The following TBC1D8B variants were observed in gnomAD, a reference collection of about 807,000 sequenced individuals.
TBC1D8B encodes RP11-321G1.1.
TBC1D8B carries 75 observed loss-of-function variants against 82.9 expected under a neutral mutation model. The observed-to-expected ratio is 0.90, with a 90% CI of 0.75 to 1.10. The LOEUF is 1.10. TBC1D8B is among the 50% of genes least tolerant of loss of function. TBC1D8B has a pLI of 0.00. For missense variants in TBC1D8B, 794 were observed against 796.9 expected (o/e 1.00, Z 0.04); for synonymous variants, 276 against 276.8 (o/e 1.00, Z 0.03).
chrX:106,824,150 T>C (rs1297878023), intron 5 of TBC1D8B, among the ~76,000 whole-genome samples: 2 of 111,901 alleles, frequency 1.8e-5, no homozygotes, highest in Non-Finnish European at 3.8e-5. Flanking sequence ...ATATCTTTTA[T>C]CCTGCTGAAC....
At chrX:106,810,507 G>C (rs150649022) in intron 1 of TBC1D8B, among the ~76,000 whole-genome samples, 1,305 of 111,557 alleles carry the variant, frequency 0.012, 10 homozygotes, top group Non-Finnish European at 0.02. Flanking sequence ...GAATTAAAGG[G>C]ACCTAATAAT....
intron 14 of TBC1D8B, among the ~76,000 whole-genome samples, chrX:106,864,140 C>T (rs1352466951): frequency 2.7e-5 from 3 of 111,402 alleles, no homozygotes; most frequent in African/African-American, 9.8e-5. Context: ...GTTGCCTCTG[C>T]AAACCGTCTG....
chrX:106,840,268 C>A, intron 9 of TBC1D8B, 70 bp downstream of exon 9: 4 of 1,019,026 alleles, frequency 3.9e-6, no homozygotes, highest in Non-Finnish European at 5.3e-6. Flanking sequence ...ATGCCCTAAG[C>A]TAAAGCAAAA....
intron 3 of TBC1D8B, 111 bp from the exon 4 acceptor site, chrX:106,821,866 A>G: frequency 3.3e-6 from 2 of 609,873 alleles, no homozygotes; most frequent in Non-Finnish European, 2.5e-6. Flanking sequence ...TGAGGAACCC[A>G]TGGATATGGA....
intron 1 of TBC1D8B, among the ~76,000 whole-genome samples, chrX:106,808,932 C>T (rs1029960003): frequency 4.5e-5 from 5 of 111,452 alleles, no homozygotes; most frequent in Admixed American, 9.5e-5. Context: ...GAGGCTGGGG[C>T]GGGAGGATTG....
intron 14 of TBC1D8B, among the ~76,000 whole-genome samples, chrX:106,860,776 TG>T (rs1199023767): frequency 9.0e-6 from 1 of 111,138 alleles, no homozygotes; most frequent in Non-Finnish European, 1.9e-5. Flanking sequence ...GCTTTGGGAT[TG>T]GTTTGTTCTT....
chrX:106,831,833 G>A lies in TBC1D8B; in HGVS notation c.1203+4496G>A, dbSNP rs932170373. 2.7e-5 allele frequency among the ~76,000 whole-genome samples: 3 copies of A among 110,903 alleles called. No homozygotes were observed. In the Admixed American group the frequency reaches 2.9e-4, roughly 11 times the overall value. Reference sequence around the variant, plus strand: ...TACCAGCTAGTATACTATCTGCTTGGAAATATGTATTTTTAAATTGCCATA... The same window carrying A: ...TACCAGCTAGTATACTATCTGCTTGAAAATATGTATTTTTAAATTGCCATA... On this transcript the variant is annotated intron_variant, in intron 7 of 20. Coordinates refer to ENST00000357242, the MANE Select transcript of TBC1D8B (RefSeq NM_017752.3).
In TBC1D8B at chrX:106,853,625, C is replaced by T; in HGVS notation, c.2228C>T (p.Thr743Ile). Residue 743 changes from threonine (T) to isoleucine (I), a missense_variant, in exon 13 of 21, where the codon ACA becomes ATA. Transcript: ENST00000357242. ...ACCAGTCATACTAGAGTGGATATTA[C>T]AGATTTGATTAGAGAATCAAATGAG... ...EKTSHTRVDITDLIRESNEKY... is the reference protein window; with the variant it reads ...EKTSHTRVDIIDLIRESNEKY... 8.3e-7 allele frequency: 1 copy of T among 1,207,863 alleles called. No individual in the cohort carries two copies. Among genetic ancestry groups the T allele is most frequent in the Non-Finnish European group, 1.1e-6 (1 of 892,822 alleles).
chrX:106,869,818 C>G (rs1416291613), intron 19 of TBC1D8B, among the ~76,000 whole-genome samples: 1 of 112,005 alleles, frequency 8.9e-6, no homozygotes, highest in African/African-American at 3.2e-5. Flanking sequence ...ACATTTTTGT[C>G]TATATCCTTT....
chrX:106,865,606 T>C lies in TBC1D8B; in HGVS notation c.2400T>C (p.Asp800=), dbSNP rs1431277086. 1.7e-6 allele frequency: 2 copies of C among 1,195,939 alleles called. No homozygotes were observed. Among genetic ancestry groups the C allele is most frequent in the East Asian group, 3.0e-5 (1 of 33,472 alleles). ...QDVKLSLQEL[D]ELYVIFKKEL... is the part of the protein sequence containing the mutation. ...TGAAATTGAGCCTTCAAGAATTGGA[T>C]GAACTTTATGTCATCTTTAAGGTAC... The change falls in exon 15 of 21, where the codon GAT becomes GAC. Residue 800 remains aspartate (D), a synonymous_variant. Coordinates refer to ENST00000357242, the MANE Select transcript of TBC1D8B (RefSeq NM_017752.3).
chrX:106,827,444 G>A, intron 7 of TBC1D8B, 107 bp downstream of exon 7: 1 of 875,121 alleles, frequency 1.1e-6, no homozygotes, highest in Non-Finnish European at 1.6e-6. Context: ...ATGCCCAGGG[G>A]TTTTTTTTAA....
At chrX:106,818,182 G>A (rs865841767) in intron 1 of TBC1D8B, among the ~76,000 whole-genome samples, 3 of 111,027 alleles carry the variant, frequency 2.7e-5, no homozygotes, top group Non-Finnish European at 3.8e-5. Flanking sequence ...CTCTAAGTGC[G>A]TTAAATGTAA....
chrX:106,810,392 G>C (rs781711028), intron 1 of TBC1D8B, among the ~76,000 whole-genome samples: 1 of 111,830 alleles, frequency 8.9e-6, no homozygotes, highest in African/African-American at 3.3e-5. Context: ...ATTCATTTAC[G>C]TGGAGTTGAA....
At chrX:106,815,675 A>G (rs1171888383) in intron 1 of TBC1D8B, 1 of 110,723 alleles carries the variant, frequency 9.0e-6, no homozygotes, top group Non-Finnish European at 1.9e-5. Context: ...CTTCCTACCC[A>G]TGAGCATGGA....
At chrX:106,805,560 TGGTCA>T (rs763183153) in intron 1 of TBC1D8B, among the ~76,000 whole-genome samples, 1 of 112,362 alleles carries the variant, frequency 8.9e-6, no homozygotes, top group African/African-American at 3.2e-5. Context: ...ACTTATTTAG[TGGTCA>T]GTTTATAACT....
intron 20 of TBC1D8B, 28 bp from the exon 21 acceptor site, chrX:106,873,542 C>T (rs377141046): frequency 2.3e-5 from 27 of 1,162,012 alleles, no homozygotes; most frequent in Admixed American, 1.8e-4. Context: ...AATATTCAAA[C>T]GTGATATTTT....
At chrX:106,846,095 CTTTT>C (rs763406306) in intron 10 of TBC1D8B, among the ~76,000 whole-genome samples, 2 of 72,247 alleles carry the variant, frequency 2.8e-5, no homozygotes, top group Non-Finnish European at 5.1e-5. Flanking sequence ...CTCTCTCTCT[CTTTT>C]TTTTTTTTTT....
Position 106,818,732 on chromosome X carries a change from A to G in TBC1D8B, c.200A>G (p.His67Arg). 1 of 1,207,272 alleles carries G rather than the reference A, an allele frequency of 8.3e-7. No individual in the cohort carries two copies. Among genetic ancestry groups the G allele is most frequent in the Non-Finnish European group, 1.1e-6 (1 of 892,821 alleles). ...TAKVAPFRIL[H>R]QTPDSQVYLS... ...AAAGTAGCTCCATTTCGCATCCTAC[A>G]CCAGACACCAGATTCTCAAGTTTAC... Residue 67 changes from histidine to arginine, a missense_variant, in exon 2 of 21, where the codon CAC becomes CGC. Coordinates refer to ENST00000357242, the MANE Select transcript of TBC1D8B (RefSeq NM_017752.3).
At chrX:106,811,809 A>G (rs746579113) in intron 1 of TBC1D8B, among the ~76,000 whole-genome samples, 39 of 111,758 alleles carry the variant, frequency 3.5e-4, no homozygotes, top group Non-Finnish European at 5.6e-4. Flanking sequence ...GGCTGTAAAT[A>G]TAGTACCAAT....
Sources: allele counts gnomAD v4.1 joint callset (sites outside exome capture counted in the v4.1 genomes callset), GRCh38; gene constraint gnomAD v4.1.1; transcripts MANE v1.5; gene names NCBI Gene and HGNC (gene_info 2026-07-23, HGNC 2026-07-21).